RRP1B: variants seen among roughly 807,000 people sequenced by gnomAD.
RRP1B encodes ribosomal RNA processing 1B.
A neutral mutation model predicts 80.2 loss-of-function variants in RRP1B; 56 were observed. The observed-to-expected ratio is 0.70, with a 90% CI of 0.56 to 0.87. The LOEUF (loss-of-function observed/expected upper bound fraction) is 0.87, where lower values mean the gene tolerates loss of function less well. Ranked by LOEUF, RRP1B falls within the 40% of genes least tolerant of loss-of-function variation. The pLI, the probability that RRP1B is intolerant of heterozygous loss-of-function variation, is 0.00. For synonymous variants in RRP1B, 351 were observed against 357.6 expected, an observed-to-expected ratio of 0.98 and a Z score of 0.21; for missense variants, 807 against 939.8, an observed-to-expected ratio of 0.86 and a Z score of 1.85.
At chr21:43,681,951 G>A (rs2083045362) in intron 8 of RRP1B, among the ~76,000 whole-genome samples, 2 of 152,010 alleles carry the variant, frequency 1.3e-5, no homozygotes, top group South Asian at 2.1e-4. Flanking sequence ...CAGCGACCCT[G>A]TCTCAAAAAA....
In RRP1B at chr21:43,691,417, T is replaced by G; in HGVS notation, c.2020-22T>G. On this transcript the variant is annotated intron_variant, in intron 14 of 15. Coordinates refer to ENST00000340648, the MANE Select transcript of RRP1B (RefSeq NM_015056.3). The surrounding 1 kb of genome is among the most constrained non-coding windows in gnomAD (Gnocchi z 4.2). ...ACTGCACTTGCGTCACTCCTTTTGT[T>G]CCTGTTATTTCTCTTCTGCAGCTAA... 6.2e-7 allele frequency: 1 copy of G among 1,613,220 alleles called. No individual in the cohort carries two copies. Among genetic ancestry groups the G allele is most frequent in the South Asian group, 1.1e-5 (1 of 91,060 alleles).
chr21:43,688,694 C>T (rs957768380), intron 13 of RRP1B, among the ~76,000 whole-genome samples: 1 of 152,186 alleles, frequency 6.6e-6, no homozygotes, highest in African/African-American at 2.4e-5. Flanking sequence ...TTCCCCCCTA[C>T]CCCCCAGCTC....
chr21:43,659,908 G>T lies in RRP1B; in HGVS notation c.130+114G>T. On this transcript the variant is annotated intron_variant, in intron 1 of 15. Transcript: ENST00000340648. The surrounding 1 kb of genome is among the most constrained non-coding windows in gnomAD (Gnocchi z 4.2). ...CTTCCACGTGTTGTCGTGACACCCA[G>T]CGTGTGCTTCGGTTTCCGCGCTGCC... 1 of 1,204,914 alleles carries T rather than the reference G, an allele frequency of 8.3e-7. No individual in the cohort carries two copies. Among genetic ancestry groups the T allele is most frequent in the Non-Finnish European group, 1.1e-6 (1 of 923,816 alleles). 74.6% of individuals were successfully genotyped at this position (1,204,914 alleles called of 1,614,324 possible).
intron 15 of RRP1B, among the ~76,000 whole-genome samples, chr21:43,692,427 C>T (rs374177651): frequency 2.5e-4 from 38 of 151,914 alleles, no homozygotes; most frequent in Non-Finnish European, 5.3e-4. Flanking sequence ...GGTAAAACCC[C>T]GTCTCTACTA....
intron 8 of RRP1B, among the ~76,000 whole-genome samples, chr21:43,678,596 C>T (rs2083031214): frequency 6.6e-6 from 1 of 152,110 alleles, no homozygotes; most frequent in Non-Finnish European, 1.5e-5. Context: ...ACTGTCTGTT[C>T]ATTTCCTTAG....
intron 11 of RRP1B, 100 bp from the exon 12 acceptor site, chr21:43,686,704 T>C (rs2083064440): frequency 2.2e-6 from 3 of 1,373,650 alleles, no homozygotes; most frequent in South Asian, 2.5e-5. Flanking sequence ...TGAGGAACGA[T>C]GATGATGAGG....
rs200295440 is a variant in RRP1B at position 43,676,351 on chromosome 21, T to G, written c.614+15T>G. 16 of 1,595,582 alleles carry G rather than the reference T, an allele frequency of 1.0e-5. No individual in the cohort carries two copies. In the African/African-American group the frequency reaches 2.1e-4, roughly 21 times the overall value. Reference sequence around the variant, plus strand: ...AAGACGAAGGAGTAAGTGATTCCCCTGTTCGTTCCTCCTGCTCCGTGGCAT... The same window carrying G: ...AAGACGAAGGAGTAAGTGATTCCCCGGTTCGTTCCTCCTGCTCCGTGGCAT... On this transcript the variant is annotated intron_variant, in intron 7 of 15. Transcript: ENST00000340648.
chr21:43,689,808 C>T (rs1037860092), intron 13 of RRP1B, among the ~76,000 whole-genome samples: 1 of 152,266 alleles, frequency 6.6e-6, no homozygotes, highest in Non-Finnish European at 1.5e-5. Context: ...GCCCACACCT[C>T]TGAGAGCCAA....
In RRP1B at chr21:43,688,074, G is replaced by T. The variant is rs749626060; in HGVS notation, c.1700G>T (p.Arg567Leu). The T allele has an allele frequency of 3.1e-6, 5 of 1,611,450 alleles. No individual in the cohort carries two copies. The highest frequency in any genetic ancestry group is 1.7e-5 in the Admixed American group (1 of 59,618). ...GANSHTTLPQ[R>L]RRLQKKKAGP... ...AACAGCCACACCACGCTGCCCCAGC[G>T]CAGGAGGCTGCAGAAAAAGAAGGCA... Residue 567 changes from arginine (R) to leucine (L), a missense_variant, in exon 13 of 16, where the codon CGC (arginine) becomes CTC (leucine). Coordinates refer to ENST00000340648, the MANE Select transcript of RRP1B (RefSeq NM_015056.3).
At chr21:43,670,585 G>A (rs1166682057) in intron 2 of RRP1B, among the ~76,000 whole-genome samples, 2 of 152,264 alleles carry the variant, frequency 1.3e-5, no homozygotes, top group Non-Finnish European at 2.9e-5. Flanking sequence ...TAGAGGGAGA[G>A]CAGGCTTGTC....
In RRP1B at chr21:43,690,277, C is replaced by G. The variant is rs761703684; in HGVS notation, c.1867-11C>G. The G allele has an allele frequency of 6.2e-7, 1 of 1,613,852 alleles. No homozygotes were observed. On this transcript the variant is annotated splice_polypyrimidine_tract_variant and intron_variant, in intron 13 of 15. Coordinates refer to ENST00000340648, the MANE Select transcript of RRP1B (RefSeq NM_015056.3). The stretch of plus-strand genomic sequence containing the variant: ...GACCCCTCCTCCGCTTCTCACCCCT[C>G]GCTCACGTAGGGAAGCAGTGGGACT...
chr21:43,684,025 T>C (rs1601759087), intron 9 of RRP1B, among the ~76,000 whole-genome samples: 3 of 142,428 alleles, frequency 2.1e-5, no homozygotes, highest in Non-Finnish European at 4.5e-5. Flanking sequence ...GGGTACTCTA[T>C]CACAATTTTT....
chr21:43,664,791 A>G (rs1346566603), intron 1 of RRP1B, among the ~76,000 whole-genome samples: 1 of 152,244 alleles, frequency 6.6e-6, no homozygotes, highest in Non-Finnish European at 1.5e-5. Flanking sequence ...GAAACAAAGC[A>G]AAGGCAGGTC....
intron 1 of RRP1B, among the ~76,000 whole-genome samples, chr21:43,660,773 T>C (rs1018561618): frequency 6.6e-6 from 1 of 151,748 alleles, no homozygotes; most frequent in Non-Finnish European, 1.5e-5. Flanking sequence ...TAAGTTGGGG[T>C]TGGGGGGGCG....
chr21:43,683,681 A>G (rs946013717), intron 9 of RRP1B, among the ~76,000 whole-genome samples: 26 of 152,152 alleles, frequency 1.7e-4, no homozygotes, highest in African/African-American at 6.3e-4. Flanking sequence ...ACAGATTGCA[A>G]ATCTAGATTA....
chr21:43,685,764 T>G lies in RRP1B; in HGVS notation c.990-6T>G. 1 of 1,529,376 alleles carries G rather than the reference T, an allele frequency of 6.5e-7. No individual in the cohort carries two copies. The allele number at this position is 1,529,376 out of a possible 1,614,324, so 94.7% of individuals were successfully genotyped here. ...TATTTTTTATTTTTTATTTTTTTAT[T>G]TTTAGATTCCAAGACCTTTCTGAAG... On this transcript the variant is annotated splice_polypyrimidine_tract_variant and splice_region_variant and intron_variant, in intron 10 of 15. Transcript: ENST00000340648.
In RRP1B at chr21:43,687,565, AAAGAG is replaced by A; in HGVS notation, c.1196_1200del (p.Arg399LysfsTer12). On this transcript the variant is annotated frameshift_variant, in exon 13 of 16. Coordinates refer to ENST00000340648, the MANE Select transcript of RRP1B (RefSeq NM_015056.3). LOFTEE classifies it high-confidence loss of function. ...AAGAGGACAGTGAAAGCAGTCTTCAAAAGAGAAGAAGGAAGAAGAAGAAGAAGCAC... is the reference window on the plus strand; with the variant it reads ...AAGAGGACAGTGAAAGCAGTCTTCAAAAGAAGGAAGAAGAAGAAGAAGCAC... 1 of 1,504,124 alleles carries A rather than the reference AAAGAG, an allele frequency of 6.6e-7. No individual in the cohort carries two copies. Among genetic ancestry groups the A allele is most frequent in the Non-Finnish European group, 8.8e-7 (1 of 1,134,556 alleles). The allele number at this position is 1,504,124 out of a possible 1,614,324, so 93.2% of individuals were successfully genotyped here.
chr21:43,671,789 A>G (rs2147164823), intron 2 of RRP1B, among the ~76,000 whole-genome samples: 1 of 152,024 alleles, frequency 6.6e-6, no homozygotes, highest in South Asian at 2.1e-4. Context: ...TCCGAGTTCA[A>G]GCAATTCTGT....
chr21:43,667,094 G>A (rs900299114), intron 1 of RRP1B, among the ~76,000 whole-genome samples: 9 of 152,032 alleles, frequency 5.9e-5, no homozygotes, highest in South Asian at 2.1e-4. Flanking sequence ...TTGGTGCAGC[G>A]TTCTTCCTGT....
Sources: allele counts gnomAD v4.1 joint callset (sites outside exome capture counted in the v4.1 genomes callset), GRCh38; gene constraint gnomAD v4.1.1; non-coding constraint Gnocchi (gnomAD v3.1); transcripts MANE v1.5; gene names NCBI Gene and HGNC (gene_info 2026-07-23, HGNC 2026-07-21).